ENOX1: variants seen among roughly 807,000 people sequenced by gnomAD.
The protein encoded by ENOX1 is ecto-NOX disulfide-thiol exchanger 1.
ENOX1 carries 42 observed loss-of-function variants against 82.5 expected under a neutral mutation model. That is an observed-to-expected ratio of 0.51 (90% CI 0.40 to 0.66). The LOEUF (loss-of-function observed/expected upper bound fraction) is 0.66. Ranked by LOEUF, ENOX1 falls within the 30% of genes least tolerant of loss-of-function variation. ENOX1 has a pLI of 0.00. For missense variants in ENOX1, 608 were observed against 811.6 expected (o/e 0.75, Z 3.05); for synonymous variants, 271 against 282.2 (o/e 0.96, Z 0.40).
At chr13:43,704,840 A>G (rs1176145296) in intron 1 of ENOX1, among the ~76,000 whole-genome samples, 1 of 152,218 alleles carries the variant, frequency 6.6e-6, no homozygotes, top group African/African-American at 2.4e-5. Flanking sequence ...TGAATTTGCA[A>G]TTTAAGTCCT....
chr13:43,261,704 T>C (rs1003216739), intron 14 of ENOX1, among the ~76,000 whole-genome samples: 31 of 149,938 alleles, frequency 2.1e-4, no homozygotes, highest in African/African-American at 7.4e-4. Flanking sequence ...ATGGATGAAA[T>C]TGGAAATCAT....
At chr13:43,686,831 C>G (rs2086100746) in intron 1 of ENOX1, among the ~76,000 whole-genome samples, 1 of 151,606 alleles carries the variant, frequency 6.6e-6, no homozygotes, top group African/African-American at 2.4e-5. Context: ...AATGCTAGTC[C>G]TGCAGCATGA....
chr13:43,523,946 T>G (rs1436259477), intron 2 of ENOX1, among the ~76,000 whole-genome samples: 1 of 152,160 alleles, frequency 6.6e-6, no homozygotes, highest in Non-Finnish European at 1.5e-5. Context: ...GGTACCACAC[T>G]TAATTTTTTA....
chr13:43,460,147 T>A (rs2057403060), intron 3 of ENOX1, among the ~76,000 whole-genome samples: 1 of 152,238 alleles, frequency 6.6e-6, no homozygotes, highest in Non-Finnish European at 1.5e-5. Flanking sequence ...TTATCCTTAA[T>A]TTACCTACAT....
At chr13:43,577,138 T>C (rs1389919255) in intron 2 of ENOX1, among the ~76,000 whole-genome samples, 3 of 151,056 alleles carry the variant, frequency 2.0e-5, no homozygotes, top group African/African-American at 7.4e-5. Flanking sequence ...ATTTTTTTTT[T>C]TCTTTTTTTT....
intron 2 of ENOX1, among the ~76,000 whole-genome samples, chr13:43,658,702 C>A (rs927754298): frequency 3.9e-5 from 6 of 152,186 alleles, no homozygotes. Flanking sequence ...CCTCTACCTA[C>A]TGCAATTTAG....
At chr13:43,732,116 G>A (rs923776056) in intron 1 of ENOX1, among the ~76,000 whole-genome samples, 1 of 152,204 alleles carries the variant, frequency 6.6e-6, no homozygotes, top group Non-Finnish European at 1.5e-5. Flanking sequence ...AAGCCTGCCT[G>A]ATAGCCCCTT....
intron 3 of ENOX1, among the ~76,000 whole-genome samples, chr13:43,422,099 T>C (rs76386710): frequency 0.043 from 6,551 of 151,942 alleles, 488 homozygotes; most frequent in African/African-American, 0.15. Context: ...AGAATACAGA[T>C]GAATTCAAAG....
chr13:43,214,127 A>G lies in ENOX1; in HGVS notation c.1801-6T>C. 6.2e-7 allele frequency: 1 copy of G among 1,611,956 alleles called. No homozygotes were observed. Among genetic ancestry groups the G allele is most frequent in the Non-Finnish European group, 8.5e-7 (1 of 1,178,814 alleles). ...TCTATTTCATTTGCAGATATCTGTT[A>G]GAAAGGAAGGAAAGTCACTTTGGGG... is the stretch of plus-strand genomic sequence containing the variant. On this transcript the variant is annotated splice_region_variant and splice_polypyrimidine_tract_variant and intron_variant, in intron 16 of 16. Coordinates refer to ENST00000690772, the MANE Select transcript of ENOX1 (RefSeq NM_001347969.2).
chr13:43,247,883 A>ATTTT lies in ENOX1; in HGVS notation c.1612-11149_1612-11146dup, dbSNP rs869265102. ...TATATATATATATATATATATATAT[A>ATTTT]TTTTTTTTTTTTTTTTTTTTGAGAC... On this transcript the variant is annotated intron_variant, in intron 14 of 16. Transcript: ENST00000690772. Among the ~76,000 whole-genome samples the ATTTT allele has an allele frequency of 2.3e-3, 34 of 14,644 alleles. 3 individuals are homozygous for ATTTT. The highest frequency in any genetic ancestry group is 3.4e-3 in the African/African-American group (24 of 7,124). 9.6% of individuals were successfully genotyped at this position (14,644 alleles called of 152,430 possible).
chr13:43,531,813 C>T (rs1238337671), intron 2 of ENOX1, among the ~76,000 whole-genome samples: 2 of 150,396 alleles, frequency 1.3e-5, no homozygotes, highest in African/African-American at 2.4e-5. Context: ...TCTCAGCAAA[C>T]TATCGCAAGG....
intron 8 of ENOX1, among the ~76,000 whole-genome samples, chr13:43,352,934 T>C (rs924282224): frequency 1.3e-5 from 2 of 152,194 alleles, no homozygotes; most frequent in African/African-American, 4.8e-5. Flanking sequence ...TAGTGCACTA[T>C]TATAAGTGGC....
intron 5 of ENOX1, among the ~76,000 whole-genome samples, chr13:43,395,046 T>C (rs1172792580): frequency 6.6e-6 from 1 of 152,044 alleles, no homozygotes; most frequent in African/African-American, 2.4e-5. Context: ...GCCATGAGCA[T>C]GGGAATAGCG....
In ENOX1 at chr13:43,238,772, T is replaced by C. The variant is rs61091729; in HGVS notation, c.1612-2034A>G. The stretch of plus-strand genomic sequence containing the variant: ...GATCTGTTCACAGCCTGGATGATAA[T>C]TGGGGCCAAATGAAATTATTCAGAA... On this transcript the variant is annotated intron_variant, in intron 14 of 16. Transcript: ENST00000690772. Among the ~76,000 whole-genome samples the C allele has an allele frequency of 9.7e-3, 1,473 of 152,184 alleles. 27 individuals carry two copies. Among genetic ancestry groups the C allele is most frequent in the African/African-American group, 0.033 (1,387 of 41,512 alleles).
intron 3 of ENOX1, among the ~76,000 whole-genome samples, chr13:43,474,173 T>C (rs537285158): frequency 2.1e-4 from 32 of 152,274 alleles, no homozygotes; most frequent in Admixed American, 1.3e-3. Context: ...GAAAATTAGA[T>C]ATTCGTGAAG....
At chr13:43,547,305 C>T (rs1003342102) in intron 2 of ENOX1, 5 of 152,174 alleles carry the variant, frequency 3.3e-5, no homozygotes, top group African/African-American at 1.2e-4. Flanking sequence ...TCTGTATCTG[C>T]TTTGGTTTCC....
chr13:43,260,959 G>C (rs925961411), intron 14 of ENOX1, among the ~76,000 whole-genome samples: 1 of 152,180 alleles, frequency 6.6e-6, no homozygotes, highest in Non-Finnish European at 1.5e-5. Context: ...ACAACCAGCA[G>C]GCATGAGCGT....
chr13:43,308,147 ACAC>A (rs2046975234), intron 11 of ENOX1, among the ~76,000 whole-genome samples: 1 of 13,512 alleles, frequency 7.4e-5, no homozygotes. Context: ...GCCACCCTCC[ACAC>A]TTTGCCCTCC....
intron 1 of ENOX1, among the ~76,000 whole-genome samples, chr13:43,738,692 T>C (rs79282249): frequency 6.6e-6 from 1 of 151,042 alleles, no homozygotes; most frequent in Non-Finnish European, 1.5e-5. Flanking sequence ...TTATTTACAG[T>C]GATATTTGAT....
Sources: allele counts gnomAD v4.1 joint callset (sites outside exome capture counted in the v4.1 genomes callset), GRCh38; gene constraint gnomAD v4.1.1; transcripts MANE v1.5; gene names NCBI Gene and HGNC (gene_info 2026-07-23, HGNC 2026-07-21).